MACROD2: variants seen among roughly 807,000 people sequenced by gnomAD.
MACROD2 encodes the protein ADP-ribose glycohydrolase MACROD2.
Under a neutral mutation model 70.4 loss-of-function variants are expected in MACROD2, and 36 were observed. The ratio of observed to expected loss-of-function variants is 0.51; its 90% CI spans 0.39 to 0.68. The LOEUF is 0.68. Among genes scored for constraint, MACROD2 ranks in the 30% least tolerant of loss-of-function variants. MACROD2 has a pLI of 0.00. For synonymous variants in MACROD2, 172 were observed against 178.8 expected (o/e 0.96, Z 0.30); for missense variants, 496 against 538.4 (o/e 0.92, Z 0.78).
chr20:15,748,061 G>A (rs1454008399), intron 8 of MACROD2, among the ~76,000 whole-genome samples: 1 of 152,176 alleles, frequency 6.6e-6, no homozygotes, highest in Non-Finnish European at 1.5e-5. Context: ...AGTGTCTGAA[G>A]TGTGTGCAGA....
At chr20:15,467,525 G>A (rs1214657550) in intron 7 of MACROD2, among the ~76,000 whole-genome samples, 7 of 152,096 alleles carry the variant, frequency 4.6e-5, no homozygotes, top group Admixed American at 1.3e-4. Context: ...GATTCAGGAG[G>A]TTATTTTTTT....
intron 8 of MACROD2, among the ~76,000 whole-genome samples, chr20:15,847,060 A>T (rs984575800): frequency 6.6e-6 from 1 of 152,102 alleles, no homozygotes. Context: ...ATTAAATTAC[A>T]TAGAAAAAAT....
At chr20:15,667,324 G>T (rs1381727503) in intron 8 of MACROD2, among the ~76,000 whole-genome samples, 1 of 152,090 alleles carries the variant, frequency 6.6e-6, no homozygotes, top group Non-Finnish European at 1.5e-5. Context: ...TCTCCCTGAG[G>T]CCTCCCCAGA....
intron 4 of MACROD2, among the ~76,000 whole-genome samples, chr20:14,613,675 CAT>C (rs1983305764): frequency 6.6e-6 from 1 of 152,004 alleles, no homozygotes; most frequent in African/African-American, 2.4e-5. Context: ...CTTATTGTTA[CAT>C]GTTTTTGGAT....
intron 5 of MACROD2, among the ~76,000 whole-genome samples, chr20:14,975,842 A>G (rs1326737246): frequency 1.3e-5 from 2 of 152,164 alleles, no homozygotes; most frequent in African/African-American, 4.8e-5. Flanking sequence ...CAGTGAGCAA[A>G]AGAAGGATGC....
At chr20:15,424,058 A>T (rs1183235133) in intron 6 of MACROD2, among the ~76,000 whole-genome samples, 1 of 151,168 alleles carries the variant, frequency 6.6e-6, no homozygotes. Context: ...CTCTAGTGGC[A>T]CTAATCCCAC....
chr20:15,395,551 A>C (rs897458987), intron 6 of MACROD2, among the ~76,000 whole-genome samples: 1 of 152,190 alleles, frequency 6.6e-6, no homozygotes, highest in African/African-American at 2.4e-5. Flanking sequence ...AACTACTTAT[A>C]TCTACTGCTG....
intron 4 of MACROD2, among the ~76,000 whole-genome samples, chr20:14,600,343 T>TATATATATATATATAC (rs1320891260): frequency 7.7e-6 from 1 of 130,200 alleles, no homozygotes; most frequent in Admixed American, 7.9e-5. Flanking sequence ...TATATATATA[T>TATATATATATATATAC]ACACACACAC....
At chr20:15,475,295 A>C (rs1358735788) in intron 7 of MACROD2, among the ~76,000 whole-genome samples, 1 of 152,102 alleles carries the variant, frequency 6.6e-6, no homozygotes, top group African/African-American at 2.4e-5. Flanking sequence ...TCTGCACCTC[A>C]CCATCCCACC....
intron 5 of MACROD2, among the ~76,000 whole-genome samples, chr20:15,034,685 AT>A (rs2075300053): frequency 6.6e-6 from 1 of 152,244 alleles, no homozygotes; most frequent in African/African-American, 2.4e-5. Context: ...AGTTAAAAAA[AT>A]AAATACTCAT....
intron 2 of MACROD2, among the ~76,000 whole-genome samples, chr20:14,028,834 A>G (rs1002796377): frequency 6.6e-6 from 1 of 152,074 alleles, no homozygotes; most frequent in African/African-American, 2.4e-5. Context: ...TGCAGACCGG[A>G]GCTGTTCCTA....
chr20:14,728,832 G>A (rs1191672045), intron 5 of MACROD2, among the ~76,000 whole-genome samples: 1 of 152,104 alleles, frequency 6.6e-6, no homozygotes, highest in East Asian at 1.9e-4. Context: ...CTCCATGTAA[G>A]CTGCATATGA....
At chr20:15,432,066 CT>C (rs1487044774) in intron 7 of MACROD2, among the ~76,000 whole-genome samples, 2 of 151,844 alleles carry the variant, frequency 1.3e-5, no homozygotes, top group East Asian at 3.9e-4. Context: ...CTTTTTTATA[CT>C]TTTTTTCAGA....
chr20:14,470,996 G>A (rs543499549), intron 3 of MACROD2, among the ~76,000 whole-genome samples: 11 of 152,266 alleles, frequency 7.2e-5, no homozygotes, highest in East Asian at 5.8e-4. Context: ...CAGGTAGCTC[G>A]GTGTCTTCCC....
intron 5 of MACROD2, among the ~76,000 whole-genome samples, chr20:14,759,648 A>T (rs954353268): frequency 5.9e-5 from 9 of 152,154 alleles, no homozygotes; most frequent in Non-Finnish European, 1.2e-4. Context: ...ATTATTTTAC[A>T]TCTTAAAATA....
At chr20:14,643,698 A>T (rs1007189360) in intron 4 of MACROD2, among the ~76,000 whole-genome samples, 1 of 152,170 alleles carries the variant, frequency 6.6e-6, no homozygotes, top group Non-Finnish European at 1.5e-5. Context: ...TGCATGTTAG[A>T]TAGTCATGTG....
intron 5 of MACROD2, among the ~76,000 whole-genome samples, chr20:14,963,630 A>T (rs779775528): frequency 6.6e-6 from 1 of 152,046 alleles, no homozygotes; most frequent in Non-Finnish European, 1.5e-5. Flanking sequence ...GAGCCTTATT[A>T]CTCTTGAAAA....
chr20:14,517,494 A>T (rs1479114425), intron 4 of MACROD2, among the ~76,000 whole-genome samples: 1 of 152,118 alleles, frequency 6.6e-6, no homozygotes, highest in Admixed American at 6.5e-5. Flanking sequence ...CAATGAGAAC[A>T]CGTGGACACA....
chr20:15,130,492 A>G (rs6110524), intron 5 of MACROD2, among the ~76,000 whole-genome samples: 134,385 of 151,944 alleles, frequency 0.88, 59,599 homozygotes, highest in East Asian at 1. Context: ...GAAGCTAATG[A>G]GGCAGGCTGA....
Sources: allele counts gnomAD v4.1 joint callset (sites outside exome capture counted in the v4.1 genomes callset), GRCh38; gene constraint gnomAD v4.1.1; transcripts MANE v1.5; gene names NCBI Gene and HGNC (gene_info 2026-07-23, HGNC 2026-07-21).